PHF24: variants seen among roughly 807,000 people sequenced by gnomAD.
The protein encoded by PHF24 is Galpha inhibitory interacting protein.
In PHF24, 25 loss-of-function variants were observed where a neutral mutation model predicts 42.6. The observed-to-expected ratio is 0.59, with a 90% confidence interval of 0.43 to 0.82. The LOEUF is 0.82. Ranked by LOEUF, PHF24 falls within the 40% of genes least tolerant of loss-of-function variation. The pLI is 0.00. For synonymous variants in PHF24, 185 were observed against 204.8 expected, an observed-to-expected ratio of 0.90 and a Z score of 0.83; for missense variants, 470 against 538.1, an observed-to-expected ratio of 0.87 and a Z score of 1.25.
At chr9:34,951,433 A>G in the PHF24 span, among the ~76,000 whole-genome samples, 1,024 of 152,328 alleles carry the variant, frequency 6.7e-3, 9 homozygotes, top group African/African-American at 0.023. Flanking sequence ...GTGTCTTTAT[A>G]AGAGAAAGAT....
chr9:34,883,886 A>C, the PHF24 span, among the ~76,000 whole-genome samples: 4 of 152,238 alleles, frequency 2.6e-5, no homozygotes, highest in African/African-American at 9.6e-5. Flanking sequence ...AAGGATTATA[A>C]ATCATGCTGC....
At chr9:34,844,024 G>A in the PHF24 span, among the ~76,000 whole-genome samples, 4 of 151,974 alleles carry the variant, frequency 2.6e-5, no homozygotes, top group African/African-American at 9.7e-5. Flanking sequence ...TTCCTTCTTG[G>A]TAGATTGTAT....
chr9:34,728,211 G>T, the PHF24 span: 6 of 741,570 alleles, frequency 8.1e-6, no homozygotes, highest in Non-Finnish European at 8.8e-6. Flanking sequence ...GTACTCTAAG[G>T]CATGTCTGAG....
At chr9:34,940,608 CCT>C in the PHF24 span, among the ~76,000 whole-genome samples, 3 of 152,202 alleles carry the variant, frequency 2.0e-5, no homozygotes, top group Admixed American at 6.5e-5. Context: ...AAATAAGTTC[CCT>C]CTTTGTTATC....
At chr9:34,742,852 T>C in the PHF24 span, among the ~76,000 whole-genome samples, 3 of 152,252 alleles carry the variant, frequency 2.0e-5, no homozygotes, top group Non-Finnish European at 4.4e-5. Flanking sequence ...AATAAAGTCA[T>C]GCTTCATGAA....
At chr9:34,888,741 C>CA in the PHF24 span, among the ~76,000 whole-genome samples, 5 of 152,154 alleles carry the variant, frequency 3.3e-5, no homozygotes, top group Non-Finnish European at 7.3e-5. Context: ...GCCTGTGGGC[C>CA]AAAAATGCAT....
the PHF24 span, among the ~76,000 whole-genome samples, chr9:34,677,240 C>T: frequency 2.0e-5 from 3 of 152,044 alleles, no homozygotes; most frequent in Non-Finnish European, 4.4e-5. Context: ...ACTTATAAGT[C>T]CATATTGGAT....
chr9:34,798,846 C>T, the PHF24 span, among the ~76,000 whole-genome samples: 3 of 152,236 alleles, frequency 2.0e-5, no homozygotes, highest in Non-Finnish European at 4.4e-5. Flanking sequence ...TTTCCCTCTT[C>T]TCCACGGCCT....
Position 34,977,000 on chromosome 9 carries a change from G to T in PHF24, c.850-83G>T. 3 of 1,449,572 alleles carry T rather than the reference G, an allele frequency of 2.1e-6. No homozygotes were observed. The South Asian group carries it at 4.1e-5, about 20-fold the overall frequency. 89.8% of individuals were successfully genotyped at this position (1,449,572 alleles called of 1,614,324 possible). On this transcript the variant is annotated intron_variant, in intron 5 of 7. Transcript: ENST00000242315. The stretch of plus-strand genomic sequence containing the variant: ...GGCAGCTTCTAAGGGAGGTTGCAAA[G>T]GTGGTAATGGAGATAGGATTCTCTA...
At chr9:34,910,659 A>G in the PHF24 span, among the ~76,000 whole-genome samples, 1 of 152,218 alleles carries the variant, frequency 6.6e-6, no homozygotes, top group Admixed American at 6.5e-5. Flanking sequence ...GAACACTTAA[A>G]AGTGTATTTA....
At chr9:34,809,925 C>CGGGGCGCGGGGGCGCG in the PHF24 span, among the ~76,000 whole-genome samples, 27 of 150,226 alleles carry the variant, frequency 1.8e-4, no homozygotes, top group East Asian at 1.6e-3. The surrounding 1 kb of genome is among the most constrained non-coding windows in gnomAD (Gnocchi z 4.1). Flanking sequence ...GCCAGTACCT[C>CGGGGCGCGGGGGCGCG]GGGGCGCGGG....
At chr9:34,720,829 T>G in the PHF24 span, among the ~76,000 whole-genome samples, 1 of 152,160 alleles carries the variant, frequency 6.6e-6, no homozygotes, top group Admixed American at 6.5e-5. Context: ...TGCACAGATA[T>G]CAGCAGCAGC....
At chr9:34,879,744 G>A in the PHF24 span, among the ~76,000 whole-genome samples, 9 of 152,146 alleles carry the variant, frequency 5.9e-5, no homozygotes, top group South Asian at 2.1e-4. Flanking sequence ...TGAAAGAGAC[G>A]GGGAGAATGG....
chr9:34,869,704 A>G, the PHF24 span, among the ~76,000 whole-genome samples: 2 of 152,120 alleles, frequency 1.3e-5, no homozygotes, highest in African/African-American at 4.8e-5. Context: ...ATACATCTAG[A>G]GAGGTTTTTT....
At chr9:34,785,379 C>T in the PHF24 span, among the ~76,000 whole-genome samples, 74 of 152,288 alleles carry the variant, frequency 4.9e-4, no homozygotes, top group Admixed American at 1.5e-3. Flanking sequence ...ACCACCATAA[C>T]GGGGATTAAG....
chr9:34,751,659 C>A, the PHF24 span, among the ~76,000 whole-genome samples: 2 of 152,122 alleles, frequency 1.3e-5, no homozygotes, highest in African/African-American at 4.8e-5. Flanking sequence ...AGAAAATCAA[C>A]AAAGAAAAAT....
the PHF24 span, chr9:34,709,136 C>G: frequency 1.7e-6 from 1 of 573,096 alleles, no homozygotes; most frequent in African/African-American, 1.9e-5. Flanking sequence ...GACAGTCCTG[C>G]TGCCTCCTCT....
chr9:34,862,708 G>A, the PHF24 span, among the ~76,000 whole-genome samples: 8 of 152,042 alleles, frequency 5.3e-5, no homozygotes, highest in South Asian at 2.1e-4. Flanking sequence ...GAGACTCAGC[G>A]AATTCCCAGG....
the PHF24 span, among the ~76,000 whole-genome samples, chr9:34,729,872 C>G: frequency 3.9e-5 from 6 of 152,172 alleles, no homozygotes; most frequent in Non-Finnish European, 8.8e-5. Context: ...GAGAAACACA[C>G]ATGAATTTAG....
Sources: allele counts gnomAD v4.1 joint callset (sites outside exome capture counted in the v4.1 genomes callset), GRCh38; gene constraint gnomAD v4.1.1; non-coding constraint Gnocchi (gnomAD v3.1); transcripts MANE v1.5; gene names NCBI Gene and HGNC (gene_info 2026-07-23, HGNC 2026-07-21).